Variants in MALRD1 observed in about 807,000 individuals in gnomAD.
MALRD1 encodes the protein MAM and LDL receptor class A domain containing 1, also known as MAM and LDL-receptor class A domain-containing protein 1.
In MALRD1, 247 loss-of-function variants were observed where a neutral mutation model predicts 242.1. That is an observed-to-expected ratio of 1.02 (90% CI 0.92 to 1.13). MALRD1 has a LOEUF of 1.13. MALRD1 is among the 50% of genes most tolerant of loss of function. The probability of loss-of-function intolerance (pLI) is 0.00; values close to 1 mark genes in which losing one functional copy is unlikely to be tolerated. For missense variants in MALRD1, 2,989 were observed against 2,533.1 expected (o/e 1.18, Z -3.86); for synonymous variants, 995 against 866.6 (o/e 1.15, Z -2.60).
intron 1 of MALRD1, among the ~76,000 whole-genome samples, chr10:19,063,908 C>G (rs542469319): frequency 6.6e-6 from 1 of 151,776 alleles, no homozygotes; most frequent in Middle Eastern, 3.4e-3. Flanking sequence ...CTAACCTGCA[C>G]ATTGTGCACA....
intron 28 of MALRD1, among the ~76,000 whole-genome samples, chr10:19,411,917 C>T (rs1307493080): frequency 6.6e-6 from 1 of 152,182 alleles, no homozygotes; most frequent in African/African-American, 2.4e-5. Flanking sequence ...AAGTATAAGC[C>T]TTGTGGGACA....
chr10:19,238,582 TTATA>T (rs1214863185), intron 18 of MALRD1, among the ~76,000 whole-genome samples: 2 of 78,444 alleles, frequency 2.5e-5, no homozygotes, highest in African/African-American at 4.4e-5. Context: ...ATAATGTATA[TTATA>T]TATATATAAT....
At chr10:19,377,741 C>G (rs192216172) in intron 26 of MALRD1, among the ~76,000 whole-genome samples, 1 of 151,720 alleles carries the variant, frequency 6.6e-6, no homozygotes, top group East Asian at 1.9e-4. Context: ...AGGTGTAAAA[C>G]GAGGTGATTT....
intron 2 of MALRD1, among the ~76,000 whole-genome samples, chr10:19,084,300 C>G (rs767881926): frequency 6.6e-6 from 1 of 151,812 alleles, no homozygotes; most frequent in African/African-American, 2.4e-5. Flanking sequence ...CTCTATTATC[C>G]GAACTAAACT....
In MALRD1 at chr10:19,680,834, G is replaced by A. The variant is rs868444781; in HGVS notation, c.6138-11448G>A. On this transcript the variant is annotated intron_variant, in intron 36 of 39. Transcript: ENST00000454679. Reference sequence around the variant, plus strand: ...GGAGCACTTGGAAGGCAGGCCTGGTGGTGATGAATTCCCTCAGCATTTGCT... The same window carrying A: ...GGAGCACTTGGAAGGCAGGCCTGGTAGTGATGAATTCCCTCAGCATTTGCT... Among the ~76,000 whole-genome samples, 79 of 152,174 alleles carry A rather than the reference G, an allele frequency of 5.2e-4. 1 individual carries two copies. The highest frequency in any genetic ancestry group is 1.7e-3 in the African/African-American group (72 of 41,530).
chr10:19,705,562 A>G (rs752953467), intron 38 of MALRD1, among the ~76,000 whole-genome samples: 5 of 152,100 alleles, frequency 3.3e-5, no homozygotes, highest in Admixed American at 2.0e-4. Flanking sequence ...GCTAAATGTT[A>G]ACTTTGAGCA....
chr10:19,481,741 T>C (rs1463859644), intron 29 of MALRD1, among the ~76,000 whole-genome samples: 1 of 152,124 alleles, frequency 6.6e-6, no homozygotes, highest in Non-Finnish European at 1.5e-5. Context: ...TCCCTTTCTA[T>C]TGAGTGTCTG....
chr10:19,360,989 C>A (rs763313422), intron 26 of MALRD1, among the ~76,000 whole-genome samples: 5 of 151,884 alleles, frequency 3.3e-5, no homozygotes, highest in Non-Finnish European at 7.4e-5. Context: ...TAAAAGTAAG[C>A]ACCATTGCCT....
intron 38 of MALRD1, among the ~76,000 whole-genome samples, chr10:19,714,682 T>C (rs1383029797): frequency 6.6e-6 from 1 of 152,046 alleles, no homozygotes; most frequent in Non-Finnish European, 1.5e-5. Flanking sequence ...CATAAAAGTG[T>C]TGAGTAGTGC....
chr10:19,109,708 C>T (rs1010701811), intron 5 of MALRD1, among the ~76,000 whole-genome samples: 2 of 152,212 alleles, frequency 1.3e-5, no homozygotes, highest in Admixed American at 6.5e-5. Context: ...GATGCAGTGG[C>T]TACTGGATCC....
intron 32 of MALRD1, among the ~76,000 whole-genome samples, chr10:19,547,801 TATATATATATATATA>T (rs1380489635): frequency 0.011 from 168 of 14,738 alleles, 3 homozygotes; most frequent in African/African-American, 0.028. Context: ...TATATATATA[TATATATATATATATA>T]TATTTTTTTT....
intron 36 of MALRD1, among the ~76,000 whole-genome samples, chr10:19,620,158 T>C (rs1209363090): frequency 1.3e-5 from 2 of 151,800 alleles, no homozygotes; most frequent in Non-Finnish European, 2.9e-5. Context: ...GGAGGAGAGG[T>C]ACATTTAAAA....
At chr10:19,609,834 C>CTA (rs1838808925) in intron 35 of MALRD1, among the ~76,000 whole-genome samples, 2 of 151,914 alleles carry the variant, frequency 1.3e-5, no homozygotes, top group Admixed American at 6.6e-5. Flanking sequence ...TAAGGTGAAA[C>CTA]TATAATTATG....
intron 29 of MALRD1, among the ~76,000 whole-genome samples, chr10:19,473,829 A>G (rs1475962842): frequency 2.6e-5 from 4 of 152,128 alleles, no homozygotes; most frequent in Non-Finnish European, 4.4e-5. Flanking sequence ...GTTCCTTTCA[A>G]TATAAGCCAG....
intron 26 of MALRD1, among the ~76,000 whole-genome samples, chr10:19,353,403 A>G (rs1844483841): frequency 6.6e-6 from 1 of 152,242 alleles, no homozygotes; most frequent in Non-Finnish European, 1.5e-5. Flanking sequence ...GAATATAAAA[A>G]TGGTTTATTA....
rs566717322 is a variant in MALRD1 at position 19,546,502 on chromosome 10, G to A, written c.5478+15151G>A. Among the ~76,000 whole-genome samples the A allele has an allele frequency of 9.5e-4, 145 of 152,292 alleles. 3 individuals are homozygous for A. In the South Asian group the frequency reaches 0.029, roughly 31 times the overall value. On this transcript the variant is annotated intron_variant, in intron 32 of 39. Coordinates refer to ENST00000454679, the MANE Select transcript of MALRD1 (RefSeq NM_001142308.3). The stretch of plus-strand genomic sequence containing the variant: ...GTTCTGGGTACAAATGCTGGAATCA[G>A]CAACTCCTAACCCAAGGAATCAACC...
At chr10:19,380,819 GCTTT>G in intron 26 of MALRD1, among the ~76,000 whole-genome samples, 1 of 151,950 alleles carries the variant, frequency 6.6e-6, no homozygotes, top group South Asian at 2.1e-4. Context: ...CAAGTGTACT[GCTTT>G]CTTTACTGGA....
chr10:19,367,214 T>TAG, intron 26 of MALRD1, among the ~76,000 whole-genome samples: 1 of 152,068 alleles, frequency 6.6e-6, no homozygotes, highest in Non-Finnish European at 1.5e-5. Flanking sequence ...ATCTTACTCC[T>TAG]TCTCTCTAGC....
At chr10:19,531,148 C>G in intron 31 of MALRD1, 46 bp from the exon 32 acceptor site, 2 of 1,459,630 alleles carry the variant, frequency 1.4e-6, no homozygotes, top group Non-Finnish European at 1.9e-6. Context: ...CCGACTCATG[C>G]GATATTATCA....
Sources: allele counts gnomAD v4.1 joint callset (sites outside exome capture counted in the v4.1 genomes callset), GRCh38; gene constraint gnomAD v4.1.1; transcripts MANE v1.5; gene names NCBI Gene and HGNC (gene_info 2026-07-23, HGNC 2026-07-21).